Variants in TAFA4 observed in about 807,000 individuals in gnomAD.
TAFA4 encodes chemokine-like protein TAFA-4.
In TAFA4, 20 loss-of-function variants were observed where a neutral mutation model predicts 21.1. The observed-to-expected ratio is 0.95, with a 90% confidence interval of 0.67 to 1.38. TAFA4 has a LOEUF of 1.38. Among genes scored for constraint, TAFA4 ranks in the 40% most tolerant of loss-of-function variants. The pLI, the probability that TAFA4 is intolerant of heterozygous loss-of-function variation, is 0.00. For missense variants in TAFA4, 211 were observed against 180.9 expected (o/e 1.17, Z -0.95); for synonymous variants, 71 against 67.4 (o/e 1.05, Z -0.26).
At chr3:68,833,402 T>C (rs914334813) in intron 3 of TAFA4, among the ~76,000 whole-genome samples, 1 of 152,204 alleles carries the variant, frequency 6.6e-6, no homozygotes, top group Non-Finnish European at 1.5e-5. Flanking sequence ...TCAGTGTACG[T>C]ACAGCCAGAG....
intron 3 of TAFA4, among the ~76,000 whole-genome samples, chr3:68,775,806 T>A (rs919199434): frequency 2.6e-5 from 4 of 152,146 alleles, no homozygotes; most frequent in Non-Finnish European, 4.4e-5. Context: ...CCTGGCCTGA[T>A]AGCAGAAGAG....
rs879835858 is a variant in TAFA4, at chr3:68,920,201, C to T, written c.-123+12039G>A. On this transcript the variant is annotated intron_variant, in intron 1 of 5. Coordinates refer to ENST00000295569, the MANE Select transcript of TAFA4 (RefSeq NM_182522.5). Reference sequence around the variant, plus strand: ...TGAGTGAGACCTGTGTATGTATAAACGTGGATAATCTCCAAGACACCAGTA... The same window carrying T: ...TGAGTGAGACCTGTGTATGTATAAATGTGGATAATCTCCAAGACACCAGTA... Among the ~76,000 whole-genome samples the T allele has an allele frequency of 1.6e-4, 25 of 152,092 alleles. 1 individual carries two copies. Among genetic ancestry groups the T allele is most frequent in the Admixed American group, 1.0e-3 (16 of 15,258 alleles).
chr3:68,800,628 T>C (rs1157554368), intron 3 of TAFA4, among the ~76,000 whole-genome samples: 3 of 152,114 alleles, frequency 2.0e-5, no homozygotes, highest in Non-Finnish European at 2.9e-5. Flanking sequence ...TGCCTTCCTA[T>C]CCACACTCAA....
rs137882776 is a variant in TAFA4 at position 68,905,419 on chromosome 3, C to T, written c.-122-20109G>A. ...TCCTGACCTCATGATCCGTCCGCCT[C>T]GGCCTCCCAAAGTATTTGGATTACA... On this transcript the variant is annotated intron_variant, in intron 1 of 5. Coordinates refer to ENST00000295569, the MANE Select transcript of TAFA4 (RefSeq NM_182522.5). 3.0e-3 allele frequency among the ~76,000 whole-genome samples: 453 copies of T among 152,212 alleles called. 1 individual carries two copies. The highest frequency in any genetic ancestry group is 5.0e-3 in the Non-Finnish European group (338 of 68,016).
intron 3 of TAFA4, among the ~76,000 whole-genome samples, chr3:68,785,377 G>C (rs116024009): frequency 0.084 from 12,811 of 152,282 alleles, 656 homozygotes; most frequent in African/African-American, 0.13. Flanking sequence ...CGCTCTCGTC[G>C]GGGAGGCTCA....
intron 1 of TAFA4, among the ~76,000 whole-genome samples, chr3:68,892,444 G>C (rs998255662): frequency 1.3e-5 from 2 of 152,094 alleles, no homozygotes; most frequent in East Asian, 1.9e-4. Context: ...AAGGTTTGAG[G>C]GGGGTGGATG....
At chr3:68,755,671 C>T (rs1575596659) in intron 3 of TAFA4, among the ~76,000 whole-genome samples, 1 of 152,206 alleles carries the variant, frequency 6.6e-6, no homozygotes. Flanking sequence ...TCTCCAGGCC[C>T]TCAGATCACT....
At chr3:68,861,572 T>C (rs1461085089) in intron 3 of TAFA4, among the ~76,000 whole-genome samples, 1 of 151,944 alleles carries the variant, frequency 6.6e-6, no homozygotes, top group African/African-American at 2.4e-5. Flanking sequence ...AAAAGATGCA[T>C]GGACCCATGT....
At chr3:68,812,115 AG>A (rs1703854927) in intron 3 of TAFA4, among the ~76,000 whole-genome samples, 1 of 152,204 alleles carries the variant, frequency 6.6e-6, no homozygotes, top group Non-Finnish European at 1.5e-5. Flanking sequence ...TTTACAGATA[AG>A]CAAATGCTGA....
chr3:68,878,005 G>C (rs750302489), intron 3 of TAFA4, among the ~76,000 whole-genome samples: 1 of 152,126 alleles, frequency 6.6e-6, no homozygotes, highest in Non-Finnish European at 1.5e-5. Flanking sequence ...AAGTGGCCTG[G>C]ATAAGGCCAC....
chr3:68,733,291 T>C, intron 5 of TAFA4, 138 bp from the exon 6 acceptor site: 1 of 1,089,866 alleles, frequency 9.2e-7, no homozygotes, highest in Non-Finnish European at 1.3e-6. Flanking sequence ...CCTCACCAAA[T>C]CAACAGTTCA....
intron 3 of TAFA4, among the ~76,000 whole-genome samples, chr3:68,821,753 G>C (rs1157892983): frequency 6.6e-6 from 1 of 152,118 alleles, no homozygotes; most frequent in African/African-American, 2.4e-5. Flanking sequence ...GAAGCCTGAA[G>C]GGTGCATTCC....
At chr3:68,861,305 C>G (rs540869585) in intron 3 of TAFA4, among the ~76,000 whole-genome samples, 1 of 151,982 alleles carries the variant, frequency 6.6e-6, no homozygotes, top group Non-Finnish European at 1.5e-5. Context: ...CTACCAAAAA[C>G]TAACTTGGAA....
chr3:68,819,303 T>C (rs1458013355), intron 3 of TAFA4, among the ~76,000 whole-genome samples: 1 of 138,790 alleles, frequency 7.2e-6, no homozygotes, highest in Non-Finnish European at 1.6e-5. Context: ...AAAAAAAGCA[T>C]CTGCAAAGCA....
At chr3:68,784,275 G>A (rs1217428571) in intron 3 of TAFA4, among the ~76,000 whole-genome samples, 1 of 152,224 alleles carries the variant, frequency 6.6e-6, no homozygotes, top group Admixed American at 6.5e-5. Context: ...TAAAATACTA[G>A]TGTGTCCGGA....
At chr3:68,857,419 C>G (rs1053790158) in intron 3 of TAFA4, among the ~76,000 whole-genome samples, 1 of 152,036 alleles carries the variant, frequency 6.6e-6, no homozygotes, top group African/African-American at 2.4e-5. Flanking sequence ...AGAAGATAAA[C>G]AGGAAATAAT....
intron 3 of TAFA4, among the ~76,000 whole-genome samples, chr3:68,848,528 T>G (rs1410673677): frequency 1.3e-5 from 2 of 152,236 alleles, no homozygotes; most frequent in African/African-American, 4.8e-5. Flanking sequence ...TTCAACCTAC[T>G]TTACAGCCTT....
chr3:68,784,352 G>C (rs1703209188), intron 3 of TAFA4, among the ~76,000 whole-genome samples: 1 of 152,340 alleles, frequency 6.6e-6, no homozygotes, highest in East Asian at 1.9e-4. Context: ...GAGTGTTACA[G>C]CTCTTAAGGT....
At chr3:68,760,144 A>G (rs1702734184) in intron 3 of TAFA4, among the ~76,000 whole-genome samples, 1 of 152,196 alleles carries the variant, frequency 6.6e-6, no homozygotes, top group Non-Finnish European at 1.5e-5. Flanking sequence ...AGAATAGTTG[A>G]TGTAGACACC....
Sources: gnomAD v4.1 joint callset for allele counts (sites outside exome capture counted in the v4.1 genomes callset) on GRCh38, gnomAD v4.1.1 for gene constraint, MANE v1.5 for transcripts, NCBI Gene and HGNC (gene_info 2026-07-23, HGNC 2026-07-21) for gene names.